Variants in TNFRSF19 observed in about 807,000 individuals in gnomAD.
TNFRSF19 encodes tumor necrosis factor receptor superfamily member 19.
A neutral mutation model predicts 46.4 loss-of-function variants in TNFRSF19; 27 were observed. The ratio of observed to expected loss-of-function variants is 0.58; its 90% CI spans 0.43 to 0.80. TNFRSF19 has a LOEUF of 0.80. TNFRSF19 is among the 30% of genes least tolerant of loss of function. The pLI is 0.00. For synonymous variants in TNFRSF19, 204 were observed against 205.0 expected (o/e 1.00, Z 0.04); for missense variants, 511 against 530.8 (o/e 0.96, Z 0.37).
intron 7 of TNFRSF19, 145 bp downstream of exon 7, chr13:23,660,635 C>A: frequency 1.0e-6 from 1 of 956,380 alleles, no homozygotes; most frequent in Non-Finnish European, 1.4e-6. Context: ...AATTATTCTC[C>A]ACCATCTCCT....
intron 5 of TNFRSF19, among the ~76,000 whole-genome samples, chr13:23,651,546 T>C (rs945674352): frequency 1.3e-5 from 2 of 152,178 alleles, no homozygotes; most frequent in Non-Finnish European, 1.5e-5. Flanking sequence ...ACAGAAAGCA[T>C]AATTAGTTCA....
At chr13:23,653,337 G>GT (rs903277514) in intron 5 of TNFRSF19, among the ~76,000 whole-genome samples, 2 of 152,240 alleles carry the variant, frequency 1.3e-5, no homozygotes, top group African/African-American at 4.8e-5. Context: ...GACGAGCCTG[G>GT]TGGGTGTGTT....
rs755585357 is a variant in TNFRSF19 at position 23,658,999 on chromosome 13, A to G, written c.446-51A>G. ...GGTGCCTGCCAGCTTCGCCATAAAC[A>G]CTGCATCTGCAGTTGTTCAGAGCAT... On this transcript the variant is annotated intron_variant, in intron 5 of 9. Transcript: ENST00000248484. The G allele has an allele frequency of 5.0e-6, 8 of 1,609,940 alleles. No individual in the cohort carries two copies. In the South Asian group the frequency reaches 8.8e-5, roughly 18 times the overall value.
At position 23,674,213 on chromosome 13, in the gene TNFRSF19, C is replaced by T. The variant is rs189770304; in HGVS notation, c.*833C>T. On this transcript the variant is annotated 3_prime_UTR_variant, in exon 10 of 10. Transcript: ENST00000248484. ...ATAGAAACATTTGTTGCATCTGTCC[C>T]TCTGCCTGAGCTTAGAAGGTTATAG... The T allele has an allele frequency of 6.6e-6, 1 of 152,304 alleles. No homozygotes were observed. The highest frequency in any genetic ancestry group is 1.9e-4 in the East Asian group (1 of 5,188). The allele number at this position is 152,304 out of a possible 1,614,324, so 9.4% of individuals were successfully genotyped here.
chr13:23,603,444 G>GTATATTCCAGTATATTC (rs1316709559), intron 3 of TNFRSF19, among the ~76,000 whole-genome samples: 1 of 151,960 alleles, frequency 6.6e-6, no homozygotes, highest in Admixed American at 6.6e-5. Context: ...CCAGAATATA[G>GTATATTCCAGTATATTC]CAGAGAAAAT....
chr13:23,652,535 A>G (rs1883713106), intron 5 of TNFRSF19, among the ~76,000 whole-genome samples: 1 of 152,338 alleles, frequency 6.6e-6, no homozygotes, highest in African/African-American at 2.4e-5. Flanking sequence ...TTTGATATTC[A>G]TTCCAAGGAT....
chr13:23,601,801 A>C (rs946236683), intron 3 of TNFRSF19, among the ~76,000 whole-genome samples: 6 of 152,174 alleles, frequency 3.9e-5, no homozygotes, highest in Admixed American at 3.9e-4. Context: ...AGTTGAAAGG[A>C]GGCTTGGACT....
intron 7 of TNFRSF19, 80 bp from the exon 8 acceptor site, chr13:23,667,900 G>T: frequency 8.5e-7 from 1 of 1,182,412 alleles, no homozygotes; most frequent in South Asian, 1.7e-5. Context: ...CTAAATTTCC[G>T]AGAGCAGTGT....
At chr13:23,626,662 C>T (rs1882033036) in intron 4 of TNFRSF19, 45 bp from the exon 5 acceptor site, 1 of 1,584,762 alleles carries the variant, frequency 6.3e-7, no homozygotes, top group African/African-American at 1.3e-5. Flanking sequence ...CAACTGTAAG[C>T]TTAGATGAAA....
chr13:23,641,902 A>G (rs1303436545), intron 5 of TNFRSF19, among the ~76,000 whole-genome samples: 1 of 152,196 alleles, frequency 6.6e-6, no homozygotes, highest in Non-Finnish European at 1.5e-5. Context: ...AGCCTGCTTT[A>G]AATGTGCTCA....
chr13:23,646,406 A>G (rs1386380016), intron 5 of TNFRSF19, among the ~76,000 whole-genome samples: 1 of 151,822 alleles, frequency 6.6e-6, no homozygotes, highest in Non-Finnish European at 1.5e-5. Context: ...ATCACCCCAG[A>G]TAGAAGCTCT....
At chr13:23,668,165 TGATG>T in intron 8 of TNFRSF19, 83 bp downstream of exon 8, 1 of 1,197,248 alleles carries the variant, frequency 8.4e-7, no homozygotes, top group Non-Finnish European at 1.2e-6. Flanking sequence ...TCATCTGAAA[TGATG>T]GAAACATCAC....
intron 5 of TNFRSF19, among the ~76,000 whole-genome samples, chr13:23,658,756 C>T (rs997747992): frequency 6.6e-6 from 1 of 152,240 alleles, no homozygotes; most frequent in Non-Finnish European, 1.5e-5. Flanking sequence ...ACAAAGAATT[C>T]TGCTCTGGTG....
chr13:23,574,824 G>C (rs576727548), intron 1 of TNFRSF19, among the ~76,000 whole-genome samples: 2 of 152,270 alleles, frequency 1.3e-5, no homozygotes, highest in East Asian at 3.9e-4. Context: ...ATTCAGCTTT[G>C]GCTCCAAAGT....
At chr13:23,670,078 C>G (rs1228955551) in intron 9 of TNFRSF19, among the ~76,000 whole-genome samples, 2 of 152,294 alleles carry the variant, frequency 1.3e-5, no homozygotes, top group South Asian at 2.1e-4. Context: ...CATTCTGTAT[C>G]CTGGCCTGAT....
chr13:23,593,288 CA>C (rs561606501), intron 2 of TNFRSF19, 56 bp from the exon 3 acceptor site: 3,436 of 1,021,790 alleles, frequency 3.4e-3, no homozygotes, highest in South Asian at 4.5e-3. Context: ...TCCTTTCTTG[CA>C]AAAAAAAATG....
At chr13:23,632,745 C>A (rs75030556) in intron 5 of TNFRSF19, among the ~76,000 whole-genome samples, 7,379 of 152,238 alleles carry the variant, frequency 0.048, 340 homozygotes, top group African/African-American at 0.12. Context: ...CAAGAGGACA[C>A]CTTTAAATCT....
At chr13:23,574,209 A>G (rs1877812372) in intron 1 of TNFRSF19, among the ~76,000 whole-genome samples, 1 of 152,128 alleles carries the variant, frequency 6.6e-6, no homozygotes, top group Non-Finnish European at 1.5e-5. Flanking sequence ...TAGGATTCCT[A>G]CATATACAAG....
chr13:23,613,704 G>T (rs1411796093), intron 3 of TNFRSF19, among the ~76,000 whole-genome samples: 1 of 152,116 alleles, frequency 6.6e-6, no homozygotes, highest in African/African-American at 2.4e-5. Context: ...CCCCCAGAAG[G>T]TCACGTGCAC....
Sources: allele counts gnomAD v4.1 joint callset (sites outside exome capture counted in the v4.1 genomes callset), GRCh38; gene constraint gnomAD v4.1.1; transcripts MANE v1.5; gene names NCBI Gene and HGNC (gene_info 2026-07-23, HGNC 2026-07-21).